Variants in SAMD12 observed in about 807,000 individuals in gnomAD.
SAMD12 encodes the protein sterile alpha motif domain containing 12.
A neutral mutation model predicts 15.0 loss-of-function variants in SAMD12; 9 were observed. That is an observed-to-expected ratio of 0.60 (90% CI 0.36 to 1.05). The LOEUF (loss-of-function observed/expected upper bound fraction) is 1.05, where lower values mean the gene tolerates loss of function less well. Among genes scored for constraint, SAMD12 ranks in the 50% least tolerant of loss-of-function variants. The probability of loss-of-function intolerance (pLI) is 0.01; values close to 1 mark genes in which losing one functional copy is unlikely to be tolerated. For missense variants in SAMD12, 230 were observed against 234.2 expected, an observed-to-expected ratio of 0.98 and a Z score of 0.12; for synonymous variants, 86 against 90.1, an observed-to-expected ratio of 0.96 and a Z score of 0.25.
intron 4 of SAMD12, among the ~76,000 whole-genome samples, chr8:118,346,197 T>C (rs1817642041): frequency 6.6e-6 from 1 of 152,178 alleles, no homozygotes; most frequent in African/African-American, 2.4e-5. Context: ...AAATTATATA[T>C]GTAATTTTAT....
At chr8:118,194,897 C>A (rs944790262) in exon 5 of SAMD12, 3 of 152,134 alleles carry the variant, frequency 2.0e-5, no homozygotes, top group Non-Finnish European at 4.4e-5. Context: ...TTTTATGCCA[C>A]CATATTTCCA....
At chr8:118,294,376 G>A (rs867780052) in intron 4 of SAMD12, among the ~76,000 whole-genome samples, 34 of 152,300 alleles carry the variant, frequency 2.2e-4, no homozygotes, top group African/African-American at 7.2e-4. Context: ...GGCATGCGGC[G>A]TCATCAGCAA....
At chr8:118,284,746 T>C (rs1483546836) in intron 4 of SAMD12, 1 of 166,600 alleles carries the variant, frequency 6.0e-6, no homozygotes, top group Non-Finnish European at 1.3e-5. Flanking sequence ...ATCGAGACCA[T>C]CCTGGCTAAC....
chr8:118,618,450 G>C (rs1828300636), intron 1 of SAMD12, among the ~76,000 whole-genome samples: 1 of 152,162 alleles, frequency 6.6e-6, no homozygotes, highest in Non-Finnish European at 1.5e-5. Flanking sequence ...ATGCCAAATA[G>C]TATAGCTTTT....
At chr8:118,156,928 C>T in the SAMD12 span, among the ~76,000 whole-genome samples, 50 of 152,038 alleles carry the variant, frequency 3.3e-4, no homozygotes, top group Admixed American at 2.0e-3. Flanking sequence ...AGATAAATTA[C>T]GCAGGGTCAG....
At chr8:118,359,869 G>T (rs1397494357) in intron 4 of SAMD12, among the ~76,000 whole-genome samples, 1 of 152,176 alleles carries the variant, frequency 6.6e-6, no homozygotes. Flanking sequence ...GTATCCTGGG[G>T]TGTGGACCAA....
At chr8:118,314,514 C>T (rs1815783733) in intron 4 of SAMD12, among the ~76,000 whole-genome samples, 2 of 152,116 alleles carry the variant, frequency 1.3e-5, no homozygotes, top group Admixed American at 1.3e-4. Flanking sequence ...ACAGGATTTC[C>T]TTGTGCTATA....
chr8:118,438,163 C>A (rs983903056), intron 3 of SAMD12, among the ~76,000 whole-genome samples: 1 of 152,180 alleles, frequency 6.6e-6, no homozygotes, highest in Non-Finnish European at 1.5e-5. Context: ...TAAGTACCCA[C>A]ACTGCCTTCC....
chr8:118,354,310 G>A (rs954693459), intron 4 of SAMD12, among the ~76,000 whole-genome samples: 5 of 152,148 alleles, frequency 3.3e-5, no homozygotes, highest in Non-Finnish European at 5.9e-5. Flanking sequence ...GTAGAGGAAT[G>A]GTCTAGATTC....
the SAMD12 span, among the ~76,000 whole-genome samples, chr8:118,168,127 C>T: frequency 6.6e-6 from 1 of 152,206 alleles, no homozygotes; most frequent in Non-Finnish European, 1.5e-5. Flanking sequence ...TTTTCTCTTG[C>T]TGCTGCCATG....
At chr8:118,333,548 T>G (rs776811103) in intron 4 of SAMD12, among the ~76,000 whole-genome samples, 11 of 138,248 alleles carry the variant, frequency 8.0e-5, no homozygotes, top group African/African-American at 3.0e-4. Flanking sequence ...AAGTTATGAT[T>G]CTTTTGTTTT....
chr8:118,460,079 T>A (rs1823371284), intron 2 of SAMD12, among the ~76,000 whole-genome samples: 1 of 152,214 alleles, frequency 6.6e-6, no homozygotes, highest in Admixed American at 6.5e-5. Context: ...AAGCTTCTAC[T>A]TCCAATGATA....
chr8:118,416,020 G>A (rs1456886132), intron 3 of SAMD12, among the ~76,000 whole-genome samples: 4 of 152,006 alleles, frequency 2.6e-5, no homozygotes, highest in Non-Finnish European at 5.9e-5. Context: ...AGTGTTTGGA[G>A]ACATTTCTCA....
chr8:118,447,530 C>A (rs946414658), intron 2 of SAMD12, among the ~76,000 whole-genome samples: 3 of 151,984 alleles, frequency 2.0e-5, no homozygotes, highest in Non-Finnish European at 2.9e-5. Context: ...GTCTCGAACT[C>A]CTGACCTCGT....
At chr8:118,296,615 A>T (rs1191805861) in intron 4 of SAMD12, among the ~76,000 whole-genome samples, 1 of 152,228 alleles carries the variant, frequency 6.6e-6, no homozygotes, top group African/African-American at 2.4e-5. Flanking sequence ...CCCAGTCAAC[A>T]TTGGTGGAAA....
chr8:118,431,056 T>A (rs1169033252), intron 3 of SAMD12, among the ~76,000 whole-genome samples: 2 of 152,154 alleles, frequency 1.3e-5, no homozygotes, highest in African/African-American at 2.4e-5. Flanking sequence ...TATAAAAAAA[T>A]TTTTAGTGTT....
At chr8:118,179,335 T>C in the SAMD12 span, among the ~76,000 whole-genome samples, 1 of 149,594 alleles carries the variant, frequency 6.7e-6, no homozygotes, top group Non-Finnish European at 1.5e-5. Flanking sequence ...TACTCAGGAG[T>C]CTGTGGCAAG....
In SAMD12 at chr8:118,405,823, T is replaced by G. The variant is rs142762461; in HGVS notation, c.323-26123A>C. Among the ~76,000 whole-genome samples the G allele has an allele frequency of 5.3e-3, 807 of 152,266 alleles. 10 individuals carry two copies. The highest frequency in any genetic ancestry group is 0.018 in the African/African-American group (753 of 41,544). On this transcript the variant is annotated intron_variant, in intron 3 of 3. Transcript: ENST00000314727. ...TAATGGTGTCACAGACTTTATGATGTCCCTTCTCAGCTGTCATATTTCCAG... is the reference window on the plus strand; with the variant it reads ...TAATGGTGTCACAGACTTTATGATGGCCCTTCTCAGCTGTCATATTTCCAG...
At chr8:118,547,432 G>A (rs1289328132) in intron 2 of SAMD12, among the ~76,000 whole-genome samples, 1 of 152,050 alleles carries the variant, frequency 6.6e-6, no homozygotes, top group East Asian at 1.9e-4. Context: ...TGTAGATAAA[G>A]TATTGGGTTG....
Sources: allele counts gnomAD v4.1 joint callset (sites outside exome capture counted in the v4.1 genomes callset), GRCh38; gene constraint gnomAD v4.1.1; transcripts MANE v1.5; gene names NCBI Gene and HGNC (gene_info 2026-07-23, HGNC 2026-07-21).